The following CEP78 variants were observed in gnomAD, a reference collection of about 807,000 sequenced individuals.
CEP78 encodes centrosomal protein of 78 kDa.
CEP78 carries 76 observed loss-of-function variants against 81.2 expected under a neutral mutation model. That is an observed-to-expected ratio of 0.94 (90% CI 0.78 to 1.13). The LOEUF is 1.13. Ranked by LOEUF, CEP78 falls within the 50% of genes most tolerant of loss-of-function variation. The pLI, the probability that CEP78 is intolerant of heterozygous loss-of-function variation, is 0.00. For synonymous variants in CEP78, 293 were observed against 301.4 expected, an observed-to-expected ratio of 0.97 and a Z score of 0.29; for missense variants, 918 against 846.8, an observed-to-expected ratio of 1.08 and a Z score of -1.04.
intron 11 of CEP78, among the ~76,000 whole-genome samples, chr9:78,261,173 C>T (rs1057173025): frequency 6.6e-6 from 1 of 151,978 alleles, no homozygotes; most frequent in East Asian, 1.9e-4. Context: ...ATTTCCTGAC[C>T]TTGTGATCTG....
chr9:78,251,944 A>G lies in CEP78; in HGVS notation c.1106A>G (p.Lys369Arg). 6.2e-7 allele frequency: 1 copy of G among 1,608,580 alleles called. No homozygotes were observed. Among genetic ancestry groups the G allele is most frequent in the Non-Finnish European group, 8.5e-7 (1 of 1,176,246 alleles). ...ATKKPVSSGRKHSLGKEYYAP... is the reference protein window; with the variant it reads ...ATKKPVSSGRRHSLGKEYYAP... ...AAGAAACCTGTAAGTAGTGGCAGAA[A>G]ACACTCCCTTGGTAAAGAATATTAT... Residue 369 changes from lysine to arginine, a missense_variant, in exon 9 of 17, where the codon AAA (lysine) becomes AGA (arginine). Coordinates refer to ENST00000643273, the MANE Select transcript of CEP78 (RefSeq NM_001330691.3).
intron 11 of CEP78, among the ~76,000 whole-genome samples, chr9:78,261,154 T>G (rs555940215): frequency 1.8e-4 from 28 of 152,192 alleles, no homozygotes; most frequent in Middle Eastern, 3.4e-3. Context: ...TTTCACCATG[T>G]TGGCCTCAAT....
chr9:78,266,950 T>G, intron 16 of CEP78: 1 of 1,417,282 alleles, frequency 7.1e-7, no homozygotes, highest in East Asian at 2.6e-5. Flanking sequence ...AGTGATACTC[T>G]TGGATGTGAT....
At chr9:78,251,019 G>A (rs1257201639) in intron 8 of CEP78, among the ~76,000 whole-genome samples, 1 of 152,044 alleles carries the variant, frequency 6.6e-6, no homozygotes, top group Non-Finnish European at 1.5e-5. Context: ...AAAATAGATT[G>A]GAAGGATAAA....
At chr9:78,247,658 G>A (rs1210505452) in intron 6 of CEP78, among the ~76,000 whole-genome samples, 1 of 152,160 alleles carries the variant, frequency 6.6e-6, no homozygotes, top group Non-Finnish European at 1.5e-5. Context: ...ATGACTTGGT[G>A]TGGAGAATAC....
At chr9:78,267,051 A>T in intron 16 of CEP78, 2 of 1,179,214 alleles carry the variant, frequency 1.7e-6, no homozygotes, top group Non-Finnish European at 2.2e-6. Flanking sequence ...ATTTTAATAA[A>T]TTTTCTTATG....
Position 78,276,699 on chromosome 9 carries a change from G to A in CEP78, c.*5848G>A, listed in dbSNP as rs967020354. On this transcript the variant is annotated 3_prime_UTR_variant, in exon 17 of 17. Coordinates refer to ENST00000643273, the MANE Select transcript of CEP78 (RefSeq NM_001330691.3). ...AGCTGCGAGAAGTAAATATTATCTA[G>A]AAATAAGATTAACAAGAGAAATGTA... 6.6e-6 allele frequency: 1 copy of A among 151,846 alleles called. No individual in the cohort carries two copies. The highest frequency in any genetic ancestry group is 2.4e-5 in the African/African-American group (1 of 41,362). The allele number at this position is 151,846 out of a possible 1,614,324, so 9.4% of individuals were successfully genotyped here.
At chr9:78,241,856 AT>A in intron 4 of CEP78, 57 bp downstream of exon 4, 1 of 956,266 alleles carries the variant, frequency 1.0e-6, no homozygotes. Context: ...ACACGTTAAT[AT>A]TTTGATACAA....
intron 11 of CEP78, among the ~76,000 whole-genome samples, chr9:78,256,092 A>C (rs1278176501): frequency 6.6e-6 from 1 of 152,244 alleles, no homozygotes; most frequent in Non-Finnish European, 1.5e-5. Flanking sequence ...AGATTTCAAC[A>C]TATTTTTGAA....
Position 78,263,573 on chromosome 9 carries a change from C to T in CEP78, c.1459-577C>T, listed in dbSNP as rs553160725. Among the ~76,000 whole-genome samples, 3 of 152,172 alleles carry T rather than the reference C, an allele frequency of 2.0e-5. No individual in the cohort carries two copies. In the East Asian group the frequency reaches 5.8e-4, roughly 29 times the overall value. Reference sequence around the variant, plus strand: ...TTAATCATTCAATAAAGGTTGAGCACCTGATTGTATAAGGCAAAAGGTGCT... The same window carrying T: ...TTAATCATTCAATAAAGGTTGAGCATCTGATTGTATAAGGCAAAAGGTGCT... On this transcript the variant is annotated intron_variant, in intron 12 of 16. Transcript: ENST00000643273.
chr9:78,264,727 A>G (rs986778058), intron 13 of CEP78, among the ~76,000 whole-genome samples: 5 of 151,864 alleles, frequency 3.3e-5, no homozygotes, highest in Non-Finnish European at 5.9e-5. Flanking sequence ...AATTGAAGGT[A>G]GTTTTAATTG....
Position 78,266,740 on chromosome 9 carries a change from C to T in CEP78, c.2107+37C>T, listed in dbSNP as rs1827558848. ...AAAAAACACTCTGATAAGCAACACC[C>T]TGGAAAGGACCTGCATTCCTGATCT... On this transcript the variant is annotated intron_variant, in intron 16 of 16. Transcript: ENST00000643273. 1 of 1,608,652 alleles carries T rather than the reference C, an allele frequency of 6.2e-7. No homozygotes were observed. The highest frequency in any genetic ancestry group is 8.5e-7 in the Non-Finnish European group (1 of 1,177,250).
rs759057765 is a variant in CEP78, at chr9:78,241,768, A to T, written c.572A>T (p.Gln191Leu). 1.9e-6 allele frequency: 3 copies of T among 1,608,236 alleles called. No individual in the cohort carries two copies. In the South Asian group the frequency reaches 3.3e-5, roughly 18 times the overall value. The stretch of plus-strand genomic sequence containing the variant: ...TTCACAGGATGTAATCTGACATGGC[A>T]GGGAGCAGATCACATGGCCAAGATC... ...VNFTGCNLTW[Q>L]GADHMAKILK... is the part of the protein sequence containing the mutation. Residue 191 changes from glutamine (Q) to leucine (L), a missense_variant, in exon 4 of 17, where the codon CAG becomes CTG. Coordinates refer to ENST00000643273, the MANE Select transcript of CEP78 (RefSeq NM_001330691.3).
Position 78,254,903 on chromosome 9 carries a change from A to G in CEP78, c.1319A>G (p.Asp440Gly). 1.2e-6 allele frequency: 2 copies of G among 1,610,160 alleles called. No individual in the cohort carries two copies. Among genetic ancestry groups the G allele is most frequent in the Non-Finnish European group, 8.5e-7 (1 of 1,176,770 alleles). Residue 440 changes from aspartate (D) to glycine (G), a missense_variant, in exon 11 of 17, where the codon GAT becomes GGT. Physicochemically the swap from Asp to Gly is moderately conservative, Grantham distance 94. Transcript: ENST00000643273. ...PSSSEVEEVD[D>G]SSESVHEVPE... The stretch of plus-strand genomic sequence containing the variant: ...TCCTCTGAAGTTGAAGAGGTTGATG[A>G]TTCTTCAGAGAGTGTTCATGAAGTG...
At chr9:78,253,479 C>A (rs767249937) in intron 10 of CEP78, 18 of 496,134 alleles carry the variant, frequency 3.6e-5, no homozygotes, top group Non-Finnish European at 6.2e-5. Context: ...GTGGTTTCAT[C>A]TGTGTAGACA....
chr9:78,248,618 C>A, intron 7 of CEP78, 144 bp from the exon 8 acceptor site: 1 of 617,672 alleles, frequency 1.6e-6, no homozygotes, highest in South Asian at 2.1e-5. Flanking sequence ...TTTGTAAATA[C>A]CGTATGATTC....
intron 1 of CEP78, among the ~76,000 whole-genome samples, chr9:78,237,146 A>G (rs1237081246): frequency 6.6e-6 from 1 of 151,026 alleles, no homozygotes; most frequent in African/African-American, 2.4e-5. Flanking sequence ...ATGCCCGGCT[A>G]ATTTTTGTAT....
At position 78,278,752 on chromosome 9, in the gene CEP78, C is replaced by T. The variant is rs1587622597; in HGVS notation, c.*7901C>T. 6.6e-6 allele frequency: 1 copy of T among 152,314 alleles called. No individual in the cohort carries two copies. 9.4% of individuals were successfully genotyped at this position (152,314 alleles called of 1,614,324 possible). On this transcript the variant is annotated 3_prime_UTR_variant, in exon 17 of 17. Transcript: ENST00000643273. Reference sequence around the variant, plus strand: ...AAGTCATTTCTGCATTTGCAAATTACTTCCAAAGCCTACCTTCCTTGAGCT... The same window carrying T: ...AAGTCATTTCTGCATTTGCAAATTATTTCCAAAGCCTACCTTCCTTGAGCT...
At chr9:78,241,140 C>T (rs1826209664) in intron 3 of CEP78, among the ~76,000 whole-genome samples, 1 of 152,052 alleles carries the variant, frequency 6.6e-6, no homozygotes, top group South Asian at 2.1e-4. Context: ...CAGAAGGTGA[C>T]TGTTCGTTGG....
Sources: allele counts gnomAD v4.1 joint callset (sites outside exome capture counted in the v4.1 genomes callset), GRCh38; gene constraint gnomAD v4.1.1; transcripts MANE v1.5; gene names NCBI Gene and HGNC (gene_info 2026-07-23, HGNC 2026-07-21).